The following COL5A1 variants were observed in gnomAD, a reference collection of about 807,000 sequenced individuals.
COL5A1 encodes collagen alpha-1(V) chain.
In COL5A1, 16 loss-of-function variants were observed where a neutral mutation model predicts 263.7. The observed-to-expected ratio is 0.06, with a 90% CI of 0.04 to 0.09. COL5A1 has a LOEUF of 0.09. Among genes scored for constraint, COL5A1 ranks in the 10% least tolerant of loss-of-function variants. COL5A1 has a pLI of 1.00. For missense variants in COL5A1, 2,036 were observed against 2,540.5 expected (o/e 0.80, Z 4.27); for synonymous variants, 1,012 against 1,004.5 (o/e 1.01, Z -0.14).
At chr9:134,662,350 TGAC>T (rs1159427015) in intron 1 of COL5A1, among the ~76,000 whole-genome samples, 2 of 152,226 alleles carry the variant, frequency 1.3e-5, no homozygotes, top group African/African-American at 4.8e-5. Context: ...CATTCTTCTC[TGAC>T]AACTCAGCTG....
intron 28 of COL5A1, among the ~76,000 whole-genome samples, chr9:134,781,119 C>T (rs942799288): frequency 5.9e-5 from 9 of 152,244 alleles, no homozygotes; most frequent in Non-Finnish European, 8.8e-5. Flanking sequence ...TGAAATCTGC[C>T]GGCCTTAAAG....
At chr9:134,737,524 G>C (rs148211057) in intron 9 of COL5A1, among the ~76,000 whole-genome samples, 1,908 of 152,320 alleles carry the variant, frequency 0.013, 18 homozygotes, top group Middle Eastern at 0.024. Flanking sequence ...GTAGCACCTG[G>C]TTCCCATCTG....
At chr9:134,793,546 T>C (rs1375295464) in intron 32 of COL5A1, among the ~76,000 whole-genome samples, 1 of 151,984 alleles carries the variant, frequency 6.6e-6, no homozygotes, top group Non-Finnish European at 1.5e-5. Context: ...CCAGCGCCTG[T>C]GCCTCGGGCA....
At chr9:134,770,325 G>A (rs1283290713) in intron 25 of COL5A1, among the ~76,000 whole-genome samples, 1 of 152,248 alleles carries the variant, frequency 6.6e-6, no homozygotes, top group East Asian at 1.9e-4. Context: ...CAGACTCAGT[G>A]CCTAGAAATA....
At position 134,741,405 on chromosome 9, in the gene COL5A1, G is replaced by T. The variant is rs991471231; in HGVS notation, c.1494+2597G>T. Among the ~76,000 whole-genome samples, 6 of 152,248 alleles carry T rather than the reference G, an allele frequency of 3.9e-5. No homozygotes were observed. Among genetic ancestry groups the T allele is most frequent in the African/African-American group, 1.4e-4 (6 of 41,466 alleles). ...ATTTTAACAAGCAGCAATAGGATGTGGAGAAGTGGCTAGACCAAGGAAAAG... is the reference window on the plus strand; with the variant it reads ...ATTTTAACAAGCAGCAATAGGATGTTGAGAAGTGGCTAGACCAAGGAAAAG... On this transcript the variant is annotated intron_variant, in intron 11 of 65. Coordinates refer to ENST00000371817, the MANE Select transcript of COL5A1 (RefSeq NM_000093.5). This position sits in a 1 kb window ranked among gnomAD's most constrained non-coding sequence, Gnocchi z 4.5.
intron 36 of COL5A1, 135 bp from the exon 37 acceptor site, chr9:134,798,273 A>G (rs1279617701): frequency 1.2e-6 from 1 of 804,218 alleles, no homozygotes; most frequent in East Asian, 2.6e-5. Context: ...CGTGCCTGCC[A>G]GGTGATTGCT....
At chr9:134,732,223 G>C in intron 9 of COL5A1, 96 bp downstream of exon 9, 1 of 1,258,016 alleles carries the variant, frequency 7.9e-7, no homozygotes, top group East Asian at 2.3e-5. Context: ...GTGGGCCCCT[G>C]CACCTGCGCG....
At chr9:134,752,463 G>T in intron 13 of COL5A1, 126 bp from the exon 14 acceptor site, 1 of 711,854 alleles carries the variant, frequency 1.4e-6, no homozygotes, top group Non-Finnish European at 2.5e-6. Flanking sequence ...TCCTTTTCCA[G>T]AGTCTCCTGT....
intron 26 of COL5A1, among the ~76,000 whole-genome samples, chr9:134,774,244 G>A (rs1231702549): frequency 6.6e-6 from 1 of 152,240 alleles, no homozygotes; most frequent in African/African-American, 2.4e-5. Context: ...GCCTTGCAGA[G>A]GAGGCCACCA....
intron 9 of COL5A1, chr9:134,732,515 C>G (rs3124311): frequency 0.5 from 186,196 of 373,570 alleles, 48,622 homozygotes; most frequent in Admixed American, 0.65. Context: ...GTAAAAGATG[C>G]GCGCGGCAGT....
Position 134,727,579 on chromosome 9 carries a change from T to G in COL5A1, c.786+182T>G, listed in dbSNP as rs3109683. Among the ~76,000 whole-genome samples, 61,151 of 152,098 alleles carry G rather than the reference T, an allele frequency of 0.4. 13,510 individuals carry two copies. The highest frequency in any genetic ancestry group is 0.57 in the Admixed American group (8,791 of 15,292). On this transcript the variant is annotated intron_variant, in intron 5 of 65. Transcript: ENST00000371817. ...CTTTACTAAATAGCACTGCCCAGAA[T>G]GATAGGGTCACAGAGTTTGTCATCA...
chr9:134,689,637 T>C (rs1214402412), intron 1 of COL5A1, among the ~76,000 whole-genome samples: 1 of 152,302 alleles, frequency 6.6e-6, no homozygotes. Flanking sequence ...GGAGGATTCC[T>C]CTTTCTCAAA....
At chr9:134,791,163 G>T (rs1337932248) in intron 32 of COL5A1, among the ~76,000 whole-genome samples, 1 of 152,228 alleles carries the variant, frequency 6.6e-6, no homozygotes, top group Non-Finnish European at 1.5e-5. Flanking sequence ...ACATGCCCCA[G>T]TCACACATAG....
chr9:134,666,019 G>A (rs1433290919), intron 1 of COL5A1, among the ~76,000 whole-genome samples: 5 of 152,088 alleles, frequency 3.3e-5, no homozygotes, highest in African/African-American at 9.7e-5. Flanking sequence ...CCCGGGAGGC[G>A]GAGGTTGCAG....
chr9:134,759,752 C>T (rs1381929629), intron 18 of COL5A1, among the ~76,000 whole-genome samples: 4 of 107,198 alleles, frequency 3.7e-5, no homozygotes, highest in Non-Finnish European at 7.3e-5. Flanking sequence ...ACCACACATG[C>T]ACACACACCC....
At position 134,677,499 on chromosome 9, in the gene COL5A1, A is replaced by T. The variant is rs1211785995; in HGVS notation, c.110-13413A>T. ...AGAGAGAGGCCATGTGCAAATGCTC[A>T]GGTTCGTGGAGCCAGGCTCTTGCCC... On this transcript the variant is annotated intron_variant, in intron 1 of 65. Transcript: ENST00000371817. The surrounding 1 kb of genome is among the most constrained non-coding windows in gnomAD (Gnocchi z 4.4). Among the ~76,000 whole-genome samples the T allele has an allele frequency of 2.6e-5, 4 of 152,222 alleles. No individual in the cohort carries two copies. Among genetic ancestry groups the T allele is most frequent in the Non-Finnish European group, 5.9e-5 (4 of 68,042 alleles).
chr9:134,833,845 T>A (rs1052278565), intron 64 of COL5A1, among the ~76,000 whole-genome samples: 1 of 152,076 alleles, frequency 6.6e-6, no homozygotes, highest in Admixed American at 6.5e-5. Context: ...CCTTTGCTGG[T>A]GTTGGAGCAT....
intron 32 of COL5A1, among the ~76,000 whole-genome samples, chr9:134,793,330 A>G (rs12346438): frequency 0.53 from 79,923 of 151,720 alleles, 21,334 homozygotes; most frequent in East Asian, 0.7. Flanking sequence ...TCCTAAGGGC[A>G]AGAAGACAGG....
At chr9:134,760,335 ACACACACCCC>A (rs1436191501) in intron 18 of COL5A1, among the ~76,000 whole-genome samples, 3 of 78,398 alleles carry the variant, frequency 3.8e-5, no homozygotes, top group African/African-American at 7.0e-5. Flanking sequence ...CCACACATGC[ACACACACCCC>A]CACACACCCC....
Sources: gnomAD v4.1 joint callset for allele counts (sites outside exome capture counted in the v4.1 genomes callset) on GRCh38, gnomAD v4.1.1 for gene constraint, Gnocchi (gnomAD v3.1) non-coding constraint, MANE v1.5 for transcripts, NCBI Gene and HGNC (gene_info 2026-07-23, HGNC 2026-07-21) for gene names.